LGSN: variants seen among roughly 807,000 people sequenced by gnomAD.
LGSN encodes lengsin, lens protein with glutamine synthetase domain.
Under a neutral mutation model 19.5 loss-of-function variants are expected in LGSN, and 21 were observed. The ratio of observed to expected loss-of-function variants is 1.07; its 90% CI spans 0.76 to 1.55. LGSN has a LOEUF of 1.55. Among genes scored for constraint, LGSN ranks in the 40% most tolerant of loss-of-function variants. The probability of loss-of-function intolerance (pLI) is 0.00; values close to 1 mark genes in which losing one functional copy is unlikely to be tolerated. For missense variants in LGSN, 673 were observed against 608.5 expected (o/e 1.11, Z -1.12); for synonymous variants, 257 against 215.6 (o/e 1.19, Z -1.68).
At chr6:63,367,006 T>G in the LGSN span, among the ~76,000 whole-genome samples, 19,529 of 151,688 alleles carry the variant, frequency 0.13, 2,785 homozygotes, top group African/African-American at 0.35. Flanking sequence ...AACCTAGGCA[T>G]TACCATTCAG....
intron 1 of LGSN, among the ~76,000 whole-genome samples, chr6:63,308,564 TATTG>T (rs1768489748): frequency 6.6e-6 from 1 of 152,132 alleles, no homozygotes; most frequent in African/African-American, 2.4e-5. Context: ...TCAATGATTT[TATTG>T]ATTTAGTTTT....
At chr6:63,512,707 A>C in the LGSN span, among the ~76,000 whole-genome samples, 3 of 152,200 alleles carry the variant, frequency 2.0e-5, no homozygotes, top group Admixed American at 2.0e-4. Flanking sequence ...AAGGATAAAC[A>C]TATCTGAGAT....
chr6:63,336,084 G>A, the LGSN span, among the ~76,000 whole-genome samples: 1 of 152,092 alleles, frequency 6.6e-6, no homozygotes, highest in African/African-American at 2.4e-5. Context: ...GAGTGGGGGA[G>A]GATTAAGAGA....
the LGSN span, among the ~76,000 whole-genome samples, chr6:63,446,563 T>G: frequency 6.6e-6 from 1 of 152,230 alleles, no homozygotes. Flanking sequence ...GAGCACATAG[T>G]ATGCACCCAA....
chr6:63,559,465 G>A, the LGSN span, among the ~76,000 whole-genome samples: 1 of 152,088 alleles, frequency 6.6e-6, no homozygotes, highest in East Asian at 1.9e-4. Context: ...TGAATTTCAC[G>A]GCCAGGTGCA....
the LGSN span, among the ~76,000 whole-genome samples, chr6:63,471,031 C>T: frequency 2.7e-5 from 4 of 150,832 alleles, no homozygotes; most frequent in Admixed American, 2.7e-4. Flanking sequence ...ACTTCCGCCT[C>T]CCAGGTTCAA....
chr6:63,549,775 TA>T, the LGSN span, among the ~76,000 whole-genome samples: 1 of 151,660 alleles, frequency 6.6e-6, no homozygotes, highest in African/African-American at 2.4e-5. Flanking sequence ...CTTATAGAAG[TA>T]AAAAGTAGAA....
chr6:63,334,555 A>C, the LGSN span, among the ~76,000 whole-genome samples: 1 of 152,258 alleles, frequency 6.6e-6, no homozygotes, highest in Non-Finnish European at 1.5e-5. Flanking sequence ...CTACATATTC[A>C]ATGCAATCCC....
At chr6:63,394,980 C>T in the LGSN span, 2 of 155,958 alleles carry the variant, frequency 1.3e-5, no homozygotes, top group South Asian at 1.8e-4. Context: ...CACTGCAGGC[C>T]TGACAACTCC....
chr6:63,512,499 C>T, the LGSN span, among the ~76,000 whole-genome samples: 1 of 152,144 alleles, frequency 6.6e-6, no homozygotes, highest in East Asian at 1.9e-4. Context: ...TCTTCCATGC[C>T]CCACTTTTTA....
chr6:63,453,048 G>A, the LGSN span, among the ~76,000 whole-genome samples: 69,959 of 151,814 alleles, frequency 0.46, 17,916 homozygotes, highest in Non-Finnish European at 0.56. Context: ...TCTTTGACTC[G>A]TATTTTATTA....
chr6:63,515,656 T>G, the LGSN span, among the ~76,000 whole-genome samples: 2 of 152,260 alleles, frequency 1.3e-5, no homozygotes, highest in Non-Finnish European at 2.9e-5. Context: ...TTAATTCATA[T>G]TCTCATTTTC....
chr6:63,433,151 G>A, the LGSN span, among the ~76,000 whole-genome samples: 6 of 151,654 alleles, frequency 4.0e-5, no homozygotes, highest in African/African-American at 7.3e-5. Context: ...TTTTATCATC[G>A]CAGAAGGGGG....
At chr6:63,498,622 T>A in the LGSN span, among the ~76,000 whole-genome samples, 80,671 of 151,370 alleles carry the variant, frequency 0.53, 23,304 homozygotes, top group African/African-American at 0.77. Context: ...AAACTTGTCA[T>A]GTTATCAAAG....
At chr6:63,443,914 CAA>C in the LGSN span, among the ~76,000 whole-genome samples, 14 of 141,024 alleles carry the variant, frequency 9.9e-5, no homozygotes, top group Admixed American at 1.4e-4. Flanking sequence ...CAGCTGTCAC[CAA>C]AAAAAAAAAA....
At chr6:63,501,342 A>G in the LGSN span, among the ~76,000 whole-genome samples, 1 of 147,046 alleles carries the variant, frequency 6.8e-6, no homozygotes, top group Non-Finnish European at 1.5e-5. Flanking sequence ...AGCCTGGGCG[A>G]CAAGAACAAA....
chr6:63,547,044 C>A, the LGSN span, among the ~76,000 whole-genome samples: 1 of 152,230 alleles, frequency 6.6e-6, no homozygotes, highest in South Asian at 2.1e-4. Flanking sequence ...ATGGTTTTCA[C>A]TTATTTCCCA....
chr6:63,331,335 A>G, the LGSN span, among the ~76,000 whole-genome samples: 2 of 152,194 alleles, frequency 1.3e-5, no homozygotes, highest in South Asian at 4.1e-4. Context: ...GCTGCAGGAT[A>G]GTACTGTAAT....
At chr6:63,457,234 G>T in the LGSN span, among the ~76,000 whole-genome samples, 3 of 152,186 alleles carry the variant, frequency 2.0e-5, no homozygotes, top group Non-Finnish European at 4.4e-5. Flanking sequence ...GACCGGGCGT[G>T]GTGGCTCACA....
Sources: gnomAD v4.1 joint callset for allele counts (sites outside exome capture counted in the v4.1 genomes callset) on GRCh38, gnomAD v4.1.1 for gene constraint, MANE v1.5 for transcripts, NCBI Gene and HGNC (gene_info 2026-07-23, HGNC 2026-07-21) for gene names.